The following BTBD9 variants were observed in gnomAD, a reference collection of about 807,000 sequenced individuals.
BTBD9 encodes the protein BTB/POZ domain-containing protein 9.
A neutral mutation model predicts 64.3 loss-of-function variants in BTBD9; 49 were observed. The observed-to-expected ratio is 0.76, with a 90% CI of 0.61 to 0.97. The LOEUF (loss-of-function observed/expected upper bound fraction) is 0.97, where lower values mean the gene tolerates loss of function less well. Among genes scored for constraint, BTBD9 ranks in the 50% least tolerant of loss-of-function variants. BTBD9 has a pLI of 0.00. For synonymous variants in BTBD9, 260 were observed against 274.7 expected, an observed-to-expected ratio of 0.95 and a Z score of 0.53; for missense variants, 598 against 762.1, an observed-to-expected ratio of 0.78 and a Z score of 2.53.
At chr6:38,226,757 GCA>G (rs903175349) in intron 9 of BTBD9, among the ~76,000 whole-genome samples, 1 of 152,080 alleles carries the variant, frequency 6.6e-6, no homozygotes, top group Non-Finnish European at 1.5e-5. Flanking sequence ...ACACAAACAT[GCA>G]CACACACACA....
intron 10 of BTBD9, among the ~76,000 whole-genome samples, chr6:38,188,885 G>A (rs9462405): frequency 0.37 from 55,919 of 152,098 alleles, 10,853 homozygotes; most frequent in Non-Finnish European, 0.44. Flanking sequence ...AAGGCCGTCT[G>A]AGGACAGAAC....
chr6:38,454,747 T>G (rs796136279), intron 6 of BTBD9, among the ~76,000 whole-genome samples: 2 of 150,926 alleles, frequency 1.3e-5, no homozygotes, highest in African/African-American at 4.9e-5. Flanking sequence ...CAGTGAGCTA[T>G]GAATGATCAT....
At chr6:38,298,999 C>T (rs1561991136) in intron 7 of BTBD9, among the ~76,000 whole-genome samples, 1 of 152,118 alleles carries the variant, frequency 6.6e-6, no homozygotes, top group East Asian at 1.9e-4. Flanking sequence ...AATGCTATCC[C>T]TCTCCCCATC....
Position 38,170,079 on chromosome 6 carries a change from G to T in BTBD9, c.*4906C>A, listed in dbSNP as rs1005391540. The T allele has an allele frequency of 1.3e-5, 2 of 152,244 alleles. No homozygotes were observed. Among genetic ancestry groups the T allele is most frequent in the African/African-American group, 4.8e-5 (2 of 41,452 alleles). 9.4% of individuals were successfully genotyped at this position (152,244 alleles called of 1,614,324 possible). A position where few individuals can be genotyped will look rare whatever the true frequency, so the allele number is the denominator to read the frequency against. Reference sequence around the variant, plus strand: ...ACAGAGGACGTGAACGATGACGTGGGCCCAGGTCGGAAGCAGCCAGAGCCA... The same window carrying T: ...ACAGAGGACGTGAACGATGACGTGGTCCCAGGTCGGAAGCAGCCAGAGCCA... On this transcript the variant is annotated 3_prime_UTR_variant, in exon 11 of 11. Transcript: ENST00000481247.
At chr6:38,237,935 C>T (rs908079815) in intron 9 of BTBD9, among the ~76,000 whole-genome samples, 5 of 151,752 alleles carry the variant, frequency 3.3e-5, no homozygotes, top group African/African-American at 1.2e-4. Context: ...GCCAGGAGTT[C>T]GAGACCAGCC....
At chr6:38,385,349 C>A (rs1766107181) in intron 6 of BTBD9, among the ~76,000 whole-genome samples, 1 of 151,670 alleles carries the variant, frequency 6.6e-6, no homozygotes, top group South Asian at 2.1e-4. Context: ...GGCACCACAC[C>A]TGGCTAATTT....
At position 38,170,404 on chromosome 6, in the gene BTBD9, C is replaced by A. The variant is rs1766707298; in HGVS notation, c.*4581G>T. 6.5e-6 allele frequency: 1 copy of A among 152,898 alleles called. No homozygotes were observed. 9.5% of individuals were successfully genotyped at this position (152,898 alleles called of 1,614,324 possible). A position where few individuals can be genotyped will look rare whatever the true frequency, so the allele number is the denominator to read the frequency against. On this transcript the variant is annotated 3_prime_UTR_variant, in exon 11 of 11. Transcript: ENST00000481247. Reference sequence around the variant, plus strand: ...GAAGGGCACAGCCTCTTTCCTCCTCCCTGATGGAAGCCAGAGACCTACCAC... The same window carrying A: ...GAAGGGCACAGCCTCTTTCCTCCTCACTGATGGAAGCCAGAGACCTACCAC...
intron 6 of BTBD9, among the ~76,000 whole-genome samples, chr6:38,355,160 A>C (rs1764670305): frequency 6.6e-6 from 1 of 152,198 alleles, no homozygotes; most frequent in South Asian, 2.1e-4. Flanking sequence ...AATGCAAGCA[A>C]AACAGAAACC....
At chr6:38,435,019 AC>A (rs1240934645) in intron 6 of BTBD9, among the ~76,000 whole-genome samples, 1 of 151,582 alleles carries the variant, frequency 6.6e-6, no homozygotes, top group Non-Finnish European at 1.5e-5. Context: ...ACATGGAGAA[AC>A]CCTGTCTCTA....
intron 9 of BTBD9, among the ~76,000 whole-genome samples, chr6:38,248,865 A>C (rs1369650771): frequency 6.6e-6 from 1 of 152,236 alleles, no homozygotes; most frequent in East Asian, 1.9e-4. Flanking sequence ...ATGCACATGA[A>C]ATATTACTCA....
intron 10 of BTBD9, among the ~76,000 whole-genome samples, chr6:38,189,683 T>C (rs1296815977): frequency 6.6e-6 from 1 of 151,960 alleles, no homozygotes; most frequent in African/African-American, 2.4e-5. Flanking sequence ...CTTTTTTTTT[T>C]TTCTTATTGA....
chr6:38,487,836 A>G (rs1771527680), intron 6 of BTBD9, among the ~76,000 whole-genome samples: 3 of 152,232 alleles, frequency 2.0e-5, no homozygotes, highest in Admixed American at 6.5e-5. Flanking sequence ...TTATATTTTT[A>G]AAGTATTGTT....
chr6:38,284,603 T>G (rs1261758154), intron 8 of BTBD9, among the ~76,000 whole-genome samples: 1 of 152,222 alleles, frequency 6.6e-6, no homozygotes, highest in Non-Finnish European at 1.5e-5. Context: ...CATCAGTACA[T>G]TGAATCTTTC....
chr6:38,488,413 T>G (rs1207649445), intron 6 of BTBD9, among the ~76,000 whole-genome samples: 1 of 152,102 alleles, frequency 6.6e-6, no homozygotes, highest in Non-Finnish European at 1.5e-5. Flanking sequence ...ATTATCCAGG[T>G]TTAGAGCTGC....
intron 9 of BTBD9, among the ~76,000 whole-genome samples, chr6:38,234,403 G>A (rs1763711135): frequency 6.6e-6 from 1 of 152,196 alleles, no homozygotes; most frequent in Non-Finnish European, 1.5e-5. Flanking sequence ...AAGGGCTAAG[G>A]AGGTGGGGAG....
intron 6 of BTBD9, among the ~76,000 whole-genome samples, chr6:38,440,549 A>T (rs1158542407): frequency 6.6e-6 from 1 of 152,216 alleles, no homozygotes; most frequent in Non-Finnish European, 1.5e-5. Context: ...GAACACAACC[A>T]CTTCTGGACA....
At chr6:38,467,618 A>G (rs1420553538) in intron 6 of BTBD9, among the ~76,000 whole-genome samples, 1 of 152,182 alleles carries the variant, frequency 6.6e-6, no homozygotes, top group Non-Finnish European at 1.5e-5. Flanking sequence ...CCACCATTCC[A>G]CATTTTCACC....
In BTBD9 at chr6:38,594,183, C is replaced by T; in HGVS notation, c.330G>A (p.Leu110=). 1 of 1,614,186 alleles carries T rather than the reference C, an allele frequency of 6.2e-7. No individual in the cohort carries two copies. Among genetic ancestry groups the T allele is most frequent in the South Asian group, 1.1e-5 (1 of 91,084 alleles). ...TATGAGCCAGGCTCAAAAAGTCCAG[C>T]AGCACCTCCTCCTTCTCATCTGTCA... ...ATLTDEKEEV[L]LDFLSLAHKY... is the part of the protein sequence containing the mutation. Residue 110 remains leucine (L), a synonymous_variant, in exon 3 of 11, where the codon CTG becomes CTA. Coordinates refer to ENST00000481247, the MANE Select transcript of BTBD9 (RefSeq NM_001099272.2).
At chr6:38,385,656 C>T (rs1417970922) in intron 6 of BTBD9, among the ~76,000 whole-genome samples, 2 of 151,934 alleles carry the variant, frequency 1.3e-5, no homozygotes, top group Non-Finnish European at 2.9e-5. Context: ...AATGGGGAGA[C>T]AGGTTAATAG....
Sources: gnomAD v4.1 joint callset for allele counts (sites outside exome capture counted in the v4.1 genomes callset) on GRCh38, gnomAD v4.1.1 for gene constraint, MANE v1.5 for transcripts, NCBI Gene and HGNC (gene_info 2026-07-23, HGNC 2026-07-21) for gene names.